PROM2: variants seen among roughly 807,000 people sequenced by gnomAD.
The protein encoded by PROM2 is prominin-2.
PROM2 carries 90 observed loss-of-function variants against 110.2 expected under a neutral mutation model. The ratio of observed to expected loss-of-function variants is 0.82; its 90% confidence interval spans 0.69 to 0.97. The LOEUF is 0.97. PROM2 is among the 50% of genes least tolerant of loss of function. The pLI is 0.00. For missense variants in PROM2, 1,009 were observed against 1,074.8 expected (o/e 0.94, Z 0.86); for synonymous variants, 470 against 467.8 (o/e 1.00, Z -0.06).
intron 18 of PROM2, 48 bp downstream of exon 18, chr2:95,286,905 G>T: frequency 6.3e-7 from 1 of 1,591,256 alleles, no homozygotes. Flanking sequence ...GGGCTGCAGA[G>T]GCGGGGAGGA....
intron 14 of PROM2, among the ~76,000 whole-genome samples, chr2:95,283,816 G>A (rs1677188506): frequency 6.9e-6 from 1 of 144,726 alleles, no homozygotes; most frequent in African/African-American, 2.6e-5. Context: ...CATTCACACA[G>A]CTAACAAACT....
At chr2:95,278,519 G>A in intron 8 of PROM2, 2 of 636,694 alleles carry the variant, frequency 3.1e-6, no homozygotes, top group South Asian at 1.8e-5. Flanking sequence ...GGGGTAGGAA[G>A]AAGAGGTCCG....
In PROM2 at chr2:95,279,884, C is replaced by A; in HGVS notation, c.1314C>A (p.Phe438Leu). 6.4e-7 allele frequency: 1 copy of A among 1,550,794 alleles called. No individual in the cohort carries two copies. Among genetic ancestry groups the A allele is most frequent in the Non-Finnish European group, 8.7e-7 (1 of 1,145,918 alleles). Residue 438 changes from phenylalanine (F) to leucine (L), a missense_variant, in exon 11 of 24, where the codon TTC becomes TTA. By Grantham distance (22) the Phe-to-Leu change is conservative. Transcript: ENST00000317620. ...VGCVLCSVVL[F>L]VVLCNLLGLN... ...GCGTGCTGTGCTCCGTGGTCCTATTCGTGGTGCTCTGCAACCTGCTGGGCC... is the reference window on the plus strand; with the variant it reads ...GCGTGCTGTGCTCCGTGGTCCTATTAGTGGTGCTCTGCAACCTGCTGGGCC...
In PROM2 at chr2:95,282,181, G is replaced by A. The variant is rs757800662; in HGVS notation, c.1683G>A (p.Gln561=). Residue 561 remains glutamine, a synonymous_variant, in exon 14 of 24, where the codon CAG becomes CAA. Transcript: ENST00000317620. ...GGGCAGCGCTCTGGACAGTCCTGCA[G>A]CTCAACGACTCCTACGACCTGGAGG... ...KEGAALWTVL[Q]LNDSYDLEEH... is the part of the protein sequence containing the mutation. 1 of 1,614,008 alleles carries A rather than the reference G, an allele frequency of 6.2e-7. No individual in the cohort carries two copies. Among genetic ancestry groups the A allele is most frequent in the East Asian group, 2.2e-5 (1 of 44,864 alleles).
At chr2:95,278,587 G>A in intron 8 of PROM2, 134 bp from the exon 9 acceptor site, 2 of 990,772 alleles carry the variant, frequency 2.0e-6, no homozygotes, top group Middle Eastern at 2.1e-4. Flanking sequence ...GGAGAGGAGG[G>A]CAGCGACCAA....
At chr2:95,282,930 C>T (rs1677133897) in intron 14 of PROM2, among the ~76,000 whole-genome samples, 1 of 152,156 alleles carries the variant, frequency 6.6e-6, no homozygotes, top group Non-Finnish European at 1.5e-5. Flanking sequence ...CCTCGCCCTC[C>T]CCAAACACAG....
chr2:95,282,049 G>C (rs765591543), intron 13 of PROM2, 33 bp downstream of exon 13: 1 of 1,612,354 alleles, frequency 6.2e-7, no homozygotes, highest in South Asian at 1.1e-5. Context: ...GCTGGGACCG[G>C]GGAAGGAAGG....
intron 22 of PROM2, 27 bp from the exon 23 acceptor site, chr2:95,288,906 G>T: frequency 6.2e-7 from 1 of 1,609,288 alleles, no homozygotes; most frequent in Non-Finnish European, 8.5e-7. Context: ...GGAAGGGTAT[G>T]CTCACTCTCT....
At chr2:95,278,063 T>A in intron 8 of PROM2, 59 bp downstream of exon 8, 1 of 1,455,690 alleles carries the variant, frequency 6.9e-7, no homozygotes, top group Non-Finnish European at 9.5e-7. Flanking sequence ...GGCCTCTGTT[T>A]CCCCCTTTTG....
chr2:95,277,622 T>C, intron 7 of PROM2, 56 bp downstream of exon 7: 1 of 1,444,982 alleles, frequency 6.9e-7, no homozygotes, highest in Non-Finnish European at 9.2e-7. Context: ...TGCCTGCTGC[T>C]CCTGGGATCT....
In PROM2 at chr2:95,276,243, G is replaced by A; in HGVS notation, c.514G>A (p.Ala172Thr). ...TTCCCACAGGATTGGTGTGGTCTGT[G>A]CCTTTGTCACCAACCAGCGCACGCA... ...TLLLLIGVVCAFVTNQRTHEQ... is the reference protein window; with the variant it reads ...TLLLLIGVVCTFVTNQRTHEQ... The change falls in exon 4 of 24, where the codon GCC becomes ACC. Residue 172 changes from alanine to threonine, a missense_variant. By Grantham distance (58) the Ala-to-Thr change is moderately conservative. Coordinates refer to ENST00000317620, the MANE Select transcript of PROM2 (RefSeq NM_001165978.3). The surrounding 1 kb of genome is among the most constrained non-coding windows in gnomAD (Gnocchi z 4.6). 1 of 1,613,980 alleles carries A rather than the reference G, an allele frequency of 6.2e-7. No homozygotes were observed. The highest frequency in any genetic ancestry group is 1.1e-5 in the South Asian group (1 of 91,080).
chr2:95,284,513 A>G (rs1677228888), intron 14 of PROM2, among the ~76,000 whole-genome samples: 1 of 151,992 alleles, frequency 6.6e-6, no homozygotes, highest in South Asian at 2.1e-4. Context: ...AAAAAAAAAA[A>G]GCAATACCTG....
Position 95,286,816 on chromosome 2 carries a change from C to T in PROM2, c.2053C>T (p.Leu685Phe). ...PQQSLVAKLN[L>F]SVRALESSAP... ...CTCTTCTCCACAGGCAAAGCTCAAC[C>T]TCAGCGTCAGGGCCCTGGAGTCCTC... The change falls in exon 18 of 24, where the codon CTC (leucine) becomes TTC (phenylalanine). Residue 685 changes from leucine (L) to phenylalanine (F), a missense_variant. Coordinates refer to ENST00000317620, the MANE Select transcript of PROM2 (RefSeq NM_001165978.3). The T allele has an allele frequency of 6.2e-7, 1 of 1,613,716 alleles. No homozygotes were observed. The highest frequency in any genetic ancestry group is 8.5e-7 in the Non-Finnish European group (1 of 1,179,942).
Position 95,274,679 on chromosome 2 carries a change from T to A in PROM2, c.94T>A (p.Phe32Ile), listed in dbSNP as rs745943879. Residue 32 changes from phenylalanine (F) to isoleucine (I), a missense_variant, in exon 1 of 24, where the codon TTC (phenylalanine) becomes ATC (isoleucine). By Grantham distance (21) the Phe-to-Ile change is conservative (BLOSUM62 0). Transcript: ENST00000317620. ...GGCTGCAGGGGCCACAGACTGCAAG[T>A]TCCTTGGCCCGGCAGAGCACCTGAC... ...QLAAGATDCK[F>I]LGPAEHLTFT... 6.2e-7 allele frequency: 1 copy of A among 1,612,902 alleles called. No homozygotes were observed.
At chr2:95,286,637 A>G in intron 17 of PROM2, 66 bp downstream of exon 17, 2 of 1,436,940 alleles carry the variant, frequency 1.4e-6, no homozygotes, top group Non-Finnish European at 1.9e-6. Flanking sequence ...GGACAGTGAA[A>G]GGGGAGGGAA....
In PROM2 at chr2:95,285,110, G is replaced by A. The variant is rs759960403; in HGVS notation, c.1870G>A (p.Val624Ile). 1.5e-5 allele frequency: 23 copies of A among 1,571,958 alleles called. No individual in the cohort carries two copies. The highest frequency in any genetic ancestry group is 1.7e-5 in the Non-Finnish European group (20 of 1,157,816). Residue 624 changes from valine (V) to isoleucine (I), a missense_variant, in exon 15 of 24, where the codon GTT becomes ATT. Coordinates refer to ENST00000317620, the MANE Select transcript of PROM2 (RefSeq NM_001165978.3). ...GCGCATCCACTACCCCGACTTCCTCGTTCAGGTCAGCGGTGGGCACCTCAG... is the reference window on the plus strand; with the variant it reads ...GCGCATCCACTACCCCGACTTCCTCATTCAGGTCAGCGGTGGGCACCTCAG... ...LQRIHYPDFL[V>I]QIQRPVVKTS...
chr2:95,279,440 G>T (rs912100342), intron 10 of PROM2, among the ~76,000 whole-genome samples: 1 of 151,996 alleles, frequency 6.6e-6, no homozygotes. Context: ...GGGACTACAG[G>T]CGTGCGCCAC....
intron 15 of PROM2, 80 bp from the exon 16 acceptor site, chr2:95,285,559 A>T: frequency 8.5e-7 from 1 of 1,182,488 alleles, no homozygotes; most frequent in Non-Finnish European, 1.2e-6. Context: ...AAGACTGGGG[A>T]TTTGGAGGCT....
chr2:95,278,063 T>TC, intron 8 of PROM2, 59 bp downstream of exon 8: 2 of 1,455,688 alleles, frequency 1.4e-6, no homozygotes, highest in South Asian at 1.2e-5. Context: ...GGCCTCTGTT[T>TC]CCCCCTTTTG....
Sources: allele counts gnomAD v4.1 joint callset (sites outside exome capture counted in the v4.1 genomes callset), GRCh38; gene constraint gnomAD v4.1.1; non-coding constraint Gnocchi (gnomAD v3.1); transcripts MANE v1.5; gene names NCBI Gene and HGNC (gene_info 2026-07-23, HGNC 2026-07-21).